Variants in ACTR3C observed in about 807,000 individuals in gnomAD.
ACTR3C encodes actin related protein 3C, also known as actin-related protein 3C.
ACTR3C carries 18 observed loss-of-function variants against 26.3 expected under a neutral mutation model. The observed-to-expected ratio is 0.68, with a 90% CI of 0.47 to 1.01. The LOEUF (loss-of-function observed/expected upper bound fraction) is 1.01, where lower values mean the gene tolerates loss of function less well. ACTR3C is among the 50% of genes least tolerant of loss of function. ACTR3C has a pLI of 0.00. For missense variants in ACTR3C, 184 were observed against 250.7 expected, an observed-to-expected ratio of 0.73 and a Z score of 1.80; for synonymous variants, 55 against 94.5, an observed-to-expected ratio of 0.58 and a Z score of 2.42.
At chr7:149,914,317 C>A in the ACTR3C span, among the ~76,000 whole-genome samples, 13 of 152,186 alleles carry the variant, frequency 8.5e-5, no homozygotes, top group East Asian at 2.5e-3. Flanking sequence ...AAAGGCCAGG[C>A]ACAGTGGCTC....
the ACTR3C span, among the ~76,000 whole-genome samples, chr7:150,175,815 C>CAAAAAAAAA: frequency 5.7e-4 from 26 of 45,550 alleles, no homozygotes; most frequent in East Asian, 6.0e-4. Context: ...TCCATCTGAA[C>CAAAAAAAAA]AAAAAAAAAA....
At chr7:150,043,807 A>G in the ACTR3C span, among the ~76,000 whole-genome samples, 40 of 152,350 alleles carry the variant, frequency 2.6e-4, no homozygotes, top group Admixed American at 1.2e-3. Flanking sequence ...AAGAAAAGTA[A>G]TAGAGTAGAG....
the ACTR3C span, among the ~76,000 whole-genome samples, chr7:150,098,660 C>T: frequency 6.6e-6 from 1 of 151,762 alleles, no homozygotes; most frequent in African/African-American, 2.4e-5. Flanking sequence ...TGAAACAATA[C>T]ACAGTTCAAA....
chr7:150,162,532 G>T, the ACTR3C span, among the ~76,000 whole-genome samples: 1 of 152,194 alleles, frequency 6.6e-6, no homozygotes, highest in South Asian at 2.1e-4. Flanking sequence ...GGCCAGGCTG[G>T]TCTCGAACTC....
At chr7:150,209,551 T>G in the ACTR3C span, among the ~76,000 whole-genome samples, 2 of 150,954 alleles carry the variant, frequency 1.3e-5, no homozygotes, top group Admixed American at 1.3e-4. Flanking sequence ...AGTTCTTTTT[T>G]TCACATATGG....
chr7:150,284,389 C>T (rs1331135810), intron 6 of ACTR3C, among the ~76,000 whole-genome samples: 2 of 151,940 alleles, frequency 1.3e-5, no homozygotes, highest in South Asian at 2.1e-4. Context: ...GAAACACACA[C>T]AAAAAAATTC....
chr7:150,044,878 T>C, the ACTR3C span: 1 of 152,152 alleles, frequency 6.6e-6, no homozygotes, highest in South Asian at 2.1e-4. Flanking sequence ...CAGAGAACAG[T>C]GATAAAGCCA....
the ACTR3C span, among the ~76,000 whole-genome samples, chr7:150,139,540 G>A: frequency 6.6e-6 from 1 of 152,288 alleles, no homozygotes; most frequent in Non-Finnish European, 1.5e-5. Context: ...GTTCTTAACA[G>A]TGGCTGGGCA....
chr7:150,201,886 T>C, the ACTR3C span, among the ~76,000 whole-genome samples: 1 of 152,210 alleles, frequency 6.6e-6, no homozygotes, highest in Non-Finnish European at 1.5e-5. Flanking sequence ...AAATAAGAGC[T>C]ATAATGTAAC....
chr7:150,166,527 C>T, the ACTR3C span, among the ~76,000 whole-genome samples: 53 of 150,738 alleles, frequency 3.5e-4, no homozygotes, highest in East Asian at 0.01. Flanking sequence ...GGCGAAACCC[C>T]GTCTCTACTA....
chr7:150,154,300 A>G, the ACTR3C span, among the ~76,000 whole-genome samples: 1 of 152,166 alleles, frequency 6.6e-6, no homozygotes, highest in Non-Finnish European at 1.5e-5. Flanking sequence ...ACCCATCTTC[A>G]TTACCATTAA....
At chr7:149,906,656 C>A in the ACTR3C span, among the ~76,000 whole-genome samples, 1 of 143,474 alleles carries the variant, frequency 7.0e-6, no homozygotes, top group African/African-American at 2.6e-5. Flanking sequence ...GGTCTCAAAT[C>A]CCTGACCTCA....
the ACTR3C span, among the ~76,000 whole-genome samples, chr7:150,216,278 G>A: frequency 1.7e-4 from 26 of 152,144 alleles, no homozygotes; most frequent in Admixed American, 7.9e-4. Flanking sequence ...TGTAATAAAT[G>A]CTTACTATAT....
the ACTR3C span, among the ~76,000 whole-genome samples, chr7:150,151,655 T>C: frequency 7.9e-6 from 1 of 126,146 alleles, no homozygotes; most frequent in African/African-American, 2.7e-5. Context: ...ACTGGGATGC[T>C]TCAGGATTTT....
chr7:150,131,716 C>T, the ACTR3C span, among the ~76,000 whole-genome samples: 1 of 152,038 alleles, frequency 6.6e-6, no homozygotes, highest in East Asian at 1.9e-4. Context: ...TAGATATCTA[C>T]CCAAGAGAAA....
At chr7:150,003,732 TGTGTG>T in the ACTR3C span, among the ~76,000 whole-genome samples, 1 of 152,202 alleles carries the variant, frequency 6.6e-6, no homozygotes, top group Non-Finnish European at 1.5e-5. Flanking sequence ...TGTGGTGTGG[TGTGTG>T]GTGTGTACAG....
chr7:149,992,346 G>A, the ACTR3C span, among the ~76,000 whole-genome samples: 1 of 152,314 alleles, frequency 6.6e-6, no homozygotes, highest in East Asian at 1.9e-4. Flanking sequence ...TCTTACTAAA[G>A]CACGTTCCAC....
the ACTR3C span, among the ~76,000 whole-genome samples, chr7:149,905,198 A>G: frequency 6.6e-6 from 1 of 152,074 alleles, no homozygotes; most frequent in Non-Finnish European, 1.5e-5. Flanking sequence ...ATAAAGTAAT[A>G]GTGTTTAACA....
At chr7:150,037,838 G>A in the ACTR3C span, among the ~76,000 whole-genome samples, 17 of 80,260 alleles carry the variant, frequency 2.1e-4, no homozygotes, top group African/African-American at 5.5e-4. Context: ...TCCCTGCCTC[G>A]CGGAGGGTGC....
Sources: gnomAD v4.1 joint callset for allele counts (sites outside exome capture counted in the v4.1 genomes callset) on GRCh38, gnomAD v4.1.1 for gene constraint, MANE v1.5 for transcripts, NCBI Gene and HGNC (gene_info 2026-07-23, HGNC 2026-07-21) for gene names.